The following NBPF3 variants were observed in gnomAD, a reference collection of about 807,000 sequenced individuals.
NBPF3 encodes the protein NBPF member 3.
A neutral mutation model predicts 78.1 loss-of-function variants in NBPF3; 57 were observed. That is an observed-to-expected ratio of 0.73 (90% confidence interval 0.59 to 0.91). The LOEUF (loss-of-function observed/expected upper bound fraction) is 0.91. NBPF3 is among the 40% of genes least tolerant of loss of function. The pLI, the probability that NBPF3 is intolerant of heterozygous loss-of-function variation, is 0.00. For missense variants in NBPF3, 510 were observed against 715.3 expected, an observed-to-expected ratio of 0.71 and a Z score of 3.27; for synonymous variants, 182 against 271.7, an observed-to-expected ratio of 0.67 and a Z score of 3.25.
At chr1:21,469,687 T>C (rs1362884710) in intron 3 of NBPF3, among the ~76,000 whole-genome samples, 1 of 152,168 alleles carries the variant, frequency 6.6e-6, no homozygotes, top group African/African-American at 2.4e-5. Context: ...AACACGCCAT[T>C]GCACTCCAGC....
Position 21,476,272 on chromosome 1 carries a change from A to G in NBPF3, c.992+1321A>G, listed in dbSNP as rs1323198276. Among the ~76,000 whole-genome samples the G allele has an allele frequency of 1.3e-5, 2 of 152,106 alleles. No individual in the cohort carries two copies. Among genetic ancestry groups the G allele is most frequent in the Non-Finnish European group, 2.9e-5 (2 of 68,032 alleles). On this transcript the variant is annotated intron_variant, in intron 8 of 14. Transcript: ENST00000318249. This position sits in a 1 kb window ranked among gnomAD's most constrained non-coding sequence, Gnocchi z 4.1. ...TAATTGGGGCATTTAGCCTATTTAC[A>G]TTTCAGGTTACTATTGTTATGTGTG...
chr1:21,459,962 C>A, intron 2 of NBPF3: 1 of 30,162 alleles, frequency 3.3e-5, no homozygotes, highest in South Asian at 1.8e-3. Flanking sequence ...GCGTGATGTT[C>A]ACGAAGGTTT....
chr1:21,462,839 C>T (rs1642026319), intron 2 of NBPF3, among the ~76,000 whole-genome samples: 1 of 152,170 alleles, frequency 6.6e-6, no homozygotes, highest in African/African-American at 2.4e-5. Flanking sequence ...TTTGTTTTCT[C>T]ATCAGGAACA....
chr1:21,451,476 A>G (rs1223079149), intron 2 of NBPF3, among the ~76,000 whole-genome samples: 1 of 152,252 alleles, frequency 6.6e-6, no homozygotes, highest in African/African-American at 2.4e-5. Context: ...CCCCTTCCAA[A>G]GAGGCCTGTC....
At chr1:21,466,525 C>T (rs1642274649) in intron 2 of NBPF3, among the ~76,000 whole-genome samples, 1 of 152,274 alleles carries the variant, frequency 6.6e-6, no homozygotes, top group Non-Finnish European at 1.5e-5. Context: ...AGGGAAGACC[C>T]AAGTCTCATA....
At chr1:21,473,624 G>T in intron 7 of NBPF3, 39 bp downstream of exon 7, 1 of 1,540,864 alleles carries the variant, frequency 6.5e-7, no homozygotes, top group Non-Finnish European at 9.0e-7. Context: ...CTTTTCCTAT[G>T]CTGAGGAATA....
intron 2 of NBPF3, among the ~76,000 whole-genome samples, chr1:21,450,994 ATCGACAG>A (rs1641275979): frequency 1.3e-5 from 2 of 152,246 alleles, no homozygotes; most frequent in Admixed American, 1.3e-4. Flanking sequence ...CTTAATTAGG[ATCGACAG>A]CCTGGGACCG....
chr1:21,473,682 T>C, intron 7 of NBPF3, 97 bp downstream of exon 7: 1 of 1,071,476 alleles, frequency 9.3e-7, no homozygotes, highest in Non-Finnish European at 1.4e-6. Context: ...TTTAATAAAA[T>C]CTATTATGGT....
chr1:21,468,938 T>A, intron 3 of NBPF3, 41 bp downstream of exon 3: 2 of 1,443,818 alleles, frequency 1.4e-6, no homozygotes, highest in Non-Finnish European at 1.9e-6. Context: ...CGATGAATGA[T>A]GTCCTGTCTT....
chr1:21,480,332 G>T, intron 11 of NBPF3, 109 bp downstream of exon 11: 1 of 578,638 alleles, frequency 1.7e-6, no homozygotes, highest in African/African-American at 1.8e-5. Context: ...ATTGCCACAG[G>T]CAGGACCCGT....
At chr1:21,468,554 T>G in intron 2 of NBPF3, 134 bp from the exon 3 acceptor site, 1 of 1,547,334 alleles carries the variant, frequency 6.5e-7, no homozygotes, top group Non-Finnish European at 8.7e-7. Flanking sequence ...GATCCTAAAG[T>G]GCTGCGGGGA....
In NBPF3 at chr1:21,444,898, G is replaced by A. The variant is rs1273765309; in HGVS notation, c.-139-50G>A. 16 of 561,582 alleles carry A rather than the reference G, an allele frequency of 2.8e-5. No individual in the cohort carries two copies. The South Asian group carries it at 3.5e-4, about 12-fold the overall frequency. 34.8% of individuals were successfully genotyped at this position (561,582 alleles called of 1,614,324 possible). The stretch of plus-strand genomic sequence containing the variant: ...TGGCAGCTCCATCCTTCAAGTTGCC[G>A]AAGCCCCAAATCTCAATGTTAACCT... On this transcript the variant is annotated intron_variant, in intron 1 of 14. Coordinates refer to ENST00000318249, the MANE Select transcript of NBPF3 (RefSeq NM_032264.6).
At chr1:21,437,777 C>G (rs59836963), upstream of NBPF3, among the ~76,000 whole-genome samples, 4,194 of 150,970 alleles carry the variant, frequency 0.028, 159 homozygotes, top group African/African-American at 0.091. Context: ...GCCTCAGCCT[C>G]CCGAGTAGCT....
intron 1 of NBPF3, among the ~76,000 whole-genome samples, chr1:21,444,380 G>A (rs1226951603): frequency 2.6e-5 from 4 of 152,232 alleles, no homozygotes; most frequent in Non-Finnish European, 5.9e-5. Flanking sequence ...TACAATATAT[G>A]TGTACAGATA....
At chr1:21,446,357 T>C (rs1558475188) in intron 2 of NBPF3, 1 of 152,230 alleles carries the variant, frequency 6.6e-6, no homozygotes, top group African/African-American at 2.4e-5. Flanking sequence ...CGCATCTTTC[T>C]CTAATAACTG....
upstream of NBPF3, chr1:21,437,554 G>T (rs1213941806): frequency 5.9e-6 from 7 of 1,194,488 alleles, no homozygotes; most frequent in East Asian, 1.4e-4. Flanking sequence ...GTCTGAGCTG[G>T]GGGCTACTGA....
At chr1:21,480,669 A>G (rs1310289339) in intron 11 of NBPF3, among the ~76,000 whole-genome samples, 4 of 152,430 alleles carry the variant, frequency 2.6e-5, no homozygotes, top group South Asian at 2.1e-4. Flanking sequence ...GCAATAAGGC[A>G]TAACTGTTTG....
Position 21,481,621 on chromosome 1 carries a change from A to G in NBPF3, c.1458A>G (p.Val486=). Residue 486 remains valine (V), a synonymous_variant, in exon 13 of 15, where the codon GTA becomes GTG. Transcript: ENST00000318249. ...CPRLSRELPE[V]VEPEDLQDSL... is the part of the protein sequence containing the mutation. Reference sequence around the variant, plus strand: ...GGCTCAGCAGAGAGCTGCCGGAGGTAGTAGAGCCTGAGGACTTGCAGGACT... The same window carrying G: ...GGCTCAGCAGAGAGCTGCCGGAGGTGGTAGAGCCTGAGGACTTGCAGGACT... 2 of 1,612,582 alleles carry G rather than the reference A, an allele frequency of 1.2e-6. No homozygotes were observed. Among genetic ancestry groups the G allele is most frequent in the African/African-American group, 1.3e-5 (1 of 74,590 alleles).
chr1:21,468,710 C>G lies in NBPF3; in HGVS notation c.156C>G (p.Ala52=). 1 of 1,613,338 alleles carries G rather than the reference C, an allele frequency of 6.2e-7. No individual in the cohort carries two copies. Among genetic ancestry groups the G allele is most frequent in the Non-Finnish European group, 8.5e-7 (1 of 1,179,362 alleles). ...DPTVPGPTSS[A]TNVSMVVSAG... ...CAGTCCCTGGCCCCACCTCTTCTGC[C>G]ACAAACGTCAGCATGGTGGTATCTG... Residue 52 remains alanine, a synonymous_variant, in exon 3 of 15, where the codon GCC becomes GCG. Transcript: ENST00000318249.
Sources: allele counts gnomAD v4.1 joint callset (sites outside exome capture counted in the v4.1 genomes callset), GRCh38; gene constraint gnomAD v4.1.1; non-coding constraint Gnocchi (gnomAD v3.1); transcripts MANE v1.5; gene names NCBI Gene and HGNC (gene_info 2026-07-23, HGNC 2026-07-21).